The following ERI3 variants were observed in gnomAD, a reference collection of about 807,000 sequenced individuals.
The protein encoded by ERI3 is ERI1 exoribonuclease family member 3.
A neutral mutation model predicts 44.4 loss-of-function variants in ERI3; 18 were observed. The observed-to-expected ratio is 0.41, with a 90% CI of 0.28 to 0.60. The LOEUF is 0.60. Among genes scored for constraint, ERI3 ranks in the 20% least tolerant of loss-of-function variants. The pLI, the probability that ERI3 is intolerant of heterozygous loss-of-function variation, is 0.36. For synonymous variants in ERI3, 183 were observed against 164.8 expected, an observed-to-expected ratio of 1.11 and a Z score of -0.84; for missense variants, 294 against 435.5, an observed-to-expected ratio of 0.68 and a Z score of 2.89.
intron 7 of ERI3, among the ~76,000 whole-genome samples, chr1:44,259,640 G>A (rs115492806): frequency 0.041 from 6,129 of 151,146 alleles, 188 homozygotes; most frequent in Non-Finnish European, 0.067. Context: ...CCAGGAGTTC[G>A]AGACCAGCCT....
chr1:44,313,510 A>C (rs139117356), intron 4 of ERI3, among the ~76,000 whole-genome samples: 37 of 152,300 alleles, frequency 2.4e-4, no homozygotes, highest in African/African-American at 8.2e-4. Flanking sequence ...GCATGTTCTC[A>C]CACCTGTTTC....
At chr1:44,286,460 G>A (rs1645396340) in intron 6 of ERI3, among the ~76,000 whole-genome samples, 1 of 152,130 alleles carries the variant, frequency 6.6e-6, no homozygotes, top group South Asian at 2.1e-4. Flanking sequence ...ATAAGACCAT[G>A]GATTGCCAAA....
At chr1:44,343,113 C>A (rs544557569) in intron 2 of ERI3, among the ~76,000 whole-genome samples, 23 of 151,566 alleles carry the variant, frequency 1.5e-4, no homozygotes, top group African/African-American at 5.3e-4. Context: ...GAGCGCATAA[C>A]ATCTTGTATC....
Position 44,221,573 on chromosome 1 carries a change from T to C in ERI3, c.999A>G (p.Thr333=), listed in dbSNP as rs202109766. The part of the protein sequence containing the change: ...LAYRGFIFKQ[T]SKPF Reference sequence around the variant, plus strand: ...CCTCGGCCAATCAGAACGGCTTCGATGTCTGCTTGAAGATGAAGCCTCGAT... The same window carrying C: ...CCTCGGCCAATCAGAACGGCTTCGACGTCTGCTTGAAGATGAAGCCTCGAT... The change falls in exon 9 of 9, where the codon ACA becomes ACG. Residue 333 remains threonine, a synonymous_variant. Coordinates refer to ENST00000372257, the MANE Select transcript of ERI3 (RefSeq NM_024066.3). The surrounding 1 kb of genome is among the most constrained non-coding windows in gnomAD (Gnocchi z 5.9). 3 of 1,614,130 alleles carry C rather than the reference T, an allele frequency of 1.9e-6. No individual in the cohort carries two copies. The highest frequency in any genetic ancestry group is 1.3e-5 in the African/African-American group (1 of 75,066).
At chr1:44,267,476 C>T (rs1645012007) in intron 7 of ERI3, among the ~76,000 whole-genome samples, 1 of 152,214 alleles carries the variant, frequency 6.6e-6, no homozygotes, top group African/African-American at 2.4e-5. Context: ...CAAACACCCA[C>T]AGTCCAGGAG....
intron 2 of ERI3, among the ~76,000 whole-genome samples, chr1:44,348,347 C>T (rs1646826110): frequency 6.6e-6 from 1 of 152,202 alleles, no homozygotes; most frequent in African/African-American, 2.4e-5. Context: ...CATCCAATCA[C>T]TACCCACAGA....
intron 7 of ERI3, among the ~76,000 whole-genome samples, chr1:44,273,323 T>C (rs902348739): frequency 1.3e-5 from 2 of 152,210 alleles, no homozygotes; most frequent in African/African-American, 2.4e-5. Context: ...TAACCTCTAA[T>C]TCCTTCCCTG....
chr1:44,263,101 T>C (rs1322641155), intron 7 of ERI3, among the ~76,000 whole-genome samples: 1 of 152,170 alleles, frequency 6.6e-6, no homozygotes, highest in Non-Finnish European at 1.5e-5. Context: ...GGGATCCCTT[T>C]CATTAAAAAA....
At chr1:44,274,078 CTTTGA>C (rs781183927) in intron 7 of ERI3, among the ~76,000 whole-genome samples, 144 of 152,268 alleles carry the variant, frequency 9.5e-4, no homozygotes, top group Non-Finnish European at 1.5e-3. Context: ...TTTCCTGTGC[CTTTGA>C]TTTAAGAGTT....
At chr1:44,295,166 T>C (rs1645584608) in intron 6 of ERI3, among the ~76,000 whole-genome samples, 1 of 152,120 alleles carries the variant, frequency 6.6e-6, no homozygotes. Flanking sequence ...AGGAGGAACA[T>C]CAGGCTACTT....
intron 7 of ERI3, among the ~76,000 whole-genome samples, chr1:44,268,469 C>A (rs1168785526): frequency 6.6e-6 from 1 of 152,188 alleles, no homozygotes; most frequent in Non-Finnish European, 1.5e-5. Context: ...TTAAAGAGAA[C>A]TGAAAACCAA....
At position 44,300,637 on chromosome 1, in the gene ERI3, T is replaced by G. The variant is rs150342584; in HGVS notation, c.758+7673A>C. On this transcript the variant is annotated intron_variant, in intron 6 of 8. Coordinates refer to ENST00000372257, the MANE Select transcript of ERI3 (RefSeq NM_024066.3). ...GAGATGCTTTGGCTCCACAGAAACCTGCTCCTACCCTCAGGCCTGCATCTA... is the reference window on the plus strand; with the variant it reads ...GAGATGCTTTGGCTCCACAGAAACCGGCTCCTACCCTCAGGCCTGCATCTA... Among the ~76,000 whole-genome samples the G allele has an allele frequency of 4.6e-3, 693 of 152,290 alleles. 10 individuals are homozygous for G. Among genetic ancestry groups the G allele is most frequent in the Admixed American group, 0.042 (645 of 15,296 alleles).
intron 7 of ERI3, among the ~76,000 whole-genome samples, chr1:44,254,271 C>A (rs1468399861): frequency 6.6e-6 from 1 of 152,170 alleles, no homozygotes; most frequent in Non-Finnish European, 1.5e-5. Flanking sequence ...ACCCCCTGAG[C>A]CTTGTTATCA....
chr1:44,289,561 A>G, intron 6 of ERI3, among the ~76,000 whole-genome samples: 1 of 152,238 alleles, frequency 6.6e-6, no homozygotes, highest in East Asian at 1.9e-4. Context: ...AACAATATAG[A>G]GGAAACAGGG....
rs1000194602 is a variant in ERI3, at chr1:44,322,608, AATG to A, written c.490-2867_490-2865del. The stretch of plus-strand genomic sequence containing the variant: ...CACAACATGAGGAGCTGTTATTAAC[AATG>A]AGCCTACACACTGGCATATTCACTT... On this transcript the variant is annotated intron_variant, in intron 3 of 8. Transcript: ENST00000372257. 210 of 1,290,566 alleles carry A rather than the reference AATG, an allele frequency of 1.6e-4. 2 individuals carry two copies. In the African/African-American group the frequency reaches 2.9e-3, roughly 18 times the overall value. The allele number at this position is 1,290,566 out of a possible 1,614,324, so 79.9% of individuals were successfully genotyped here.
chr1:44,315,359 T>C (rs1413891399), intron 4 of ERI3, among the ~76,000 whole-genome samples: 1 of 152,216 alleles, frequency 6.6e-6, no homozygotes, highest in Non-Finnish European at 1.5e-5. Context: ...GGTCAGCACC[T>C]GTGTGTACCC....
At chr1:44,240,307 C>T (rs1644405456) in intron 8 of ERI3, among the ~76,000 whole-genome samples, 1 of 152,224 alleles carries the variant, frequency 6.6e-6, no homozygotes, top group South Asian at 2.1e-4. Context: ...CTGGTTCAGC[C>T]TGGCTTGGGC....
rs948398198 is a variant in ERI3 at position 44,228,242 on chromosome 1, C to A, written c.932-6602G>T. 6.6e-6 allele frequency among the ~76,000 whole-genome samples: 1 copy of A among 152,152 alleles called. No individual in the cohort carries two copies. Among genetic ancestry groups the A allele is most frequent in the African/African-American group, 2.4e-5 (1 of 41,412 alleles). Reference sequence around the variant, plus strand: ...CCTTCTTTCAGCCCCTCCCCTCAGCCCCCTCCACCCCACCGAGGTGCCTGG... The same window carrying A: ...CCTTCTTTCAGCCCCTCCCCTCAGCACCCTCCACCCCACCGAGGTGCCTGG... On this transcript the variant is annotated intron_variant, in intron 8 of 8. Coordinates refer to ENST00000372257, the MANE Select transcript of ERI3 (RefSeq NM_024066.3). This position sits in a 1 kb window ranked among gnomAD's most constrained non-coding sequence, Gnocchi z 4.3.
chr1:44,239,641 G>A (rs1644389480), intron 8 of ERI3, among the ~76,000 whole-genome samples: 1 of 152,208 alleles, frequency 6.6e-6, no homozygotes, highest in African/African-American at 2.4e-5. Context: ...TTCCCTCTGG[G>A]GCCCAAGGAA....
Sources: gnomAD v4.1 joint callset for allele counts (sites outside exome capture counted in the v4.1 genomes callset) on GRCh38, gnomAD v4.1.1 for gene constraint, Gnocchi (gnomAD v3.1) non-coding constraint, MANE v1.5 for transcripts, NCBI Gene and HGNC (gene_info 2026-07-23, HGNC 2026-07-21) for gene names.